XRCC5: variants seen among roughly 807,000 people sequenced by gnomAD.
XRCC5 encodes X-ray repair cross complementing 5.
XRCC5 carries 12 observed loss-of-function variants against 95.7 expected under a neutral mutation model. The observed-to-expected ratio is 0.13, with a 90% CI of 0.08 to 0.20. The LOEUF (loss-of-function observed/expected upper bound fraction) is 0.20. Ranked by LOEUF, XRCC5 falls within the 10% of genes least tolerant of loss-of-function variation. The pLI is 1.00. For missense variants in XRCC5, 595 were observed against 873.9 expected (o/e 0.68, Z 4.02); for synonymous variants, 281 against 290.3 (o/e 0.97, Z 0.33).
At position 216,139,406 on chromosome 2, in the gene XRCC5, A is replaced by G. The variant is rs1281192453; in HGVS notation, c.1342+1227A>G. On this transcript the variant is annotated intron_variant, in intron 12 of 20. Transcript: ENST00000392132. ...CAGCAAGAGAAAATGAGGAAGAAGC[A>G]AAAGTAGAAACCCCTGATAAACCCA... Among the ~76,000 whole-genome samples the G allele has an allele frequency of 2.0e-5, 3 of 152,182 alleles. No homozygotes were observed. In the East Asian group the frequency reaches 5.8e-4, roughly 29 times the overall value.
Position 216,116,743 on chromosome 2 carries a change from T to C in XRCC5, c.220T>C (p.Tyr74His). 3 of 1,614,260 alleles carry C rather than the reference T, an allele frequency of 1.9e-6. No individual in the cohort carries two copies. The highest frequency in any genetic ancestry group is 2.5e-6 in the Non-Finnish European group (3 of 1,180,044). Reference sequence around the variant, plus strand: ...CAATCCCCTTTCTGGTGGGGATCAGTATCAGAACATCACAGTGCACAGACA... The same window carrying C: ...CAATCCCCTTTCTGGTGGGGATCAGCATCAGAACATCACAGTGCACAGACA... Reference protein sequence around the residue: ...TDNPLSGGDQYQNITVHRHLM... With the variant: ...TDNPLSGGDQHQNITVHRHLM... The change falls in exon 3 of 21, where the codon TAT (tyrosine) becomes CAT (histidine). Residue 74 changes from tyrosine (Y) to histidine (H), a missense_variant. Around this residue, in one of 2 missense-constraint regions of XRCC5, gnomAD observed 286 missense variants for 491.1 expected, o/e 0.58. Coordinates refer to ENST00000392132, the MANE Select transcript of XRCC5 (RefSeq NM_021141.4).
chr2:216,137,099 T>TG lies in XRCC5; in HGVS notation c.1126dup (p.Ala376GlyfsTer11). 6.2e-7 allele frequency: 1 copy of TG among 1,613,330 alleles called. No individual in the cohort carries two copies. Among genetic ancestry groups the TG allele is most frequent in the Non-Finnish European group, 8.5e-7 (1 of 1,179,642 alleles). ...ATCTTTCTTACCAGGCAGCTGCAGT[T>TG]GCACTTTCCTCCCTGATTCATGCTT... is the stretch of plus-strand genomic sequence containing the variant. On this transcript the variant is annotated frameshift_variant, in exon 11 of 21. Transcript: ENST00000392132. LOFTEE classifies it high-confidence loss of function.
chr2:216,197,283 T>G (rs116361154), intron 19 of XRCC5, among the ~76,000 whole-genome samples: 1 of 152,150 alleles, frequency 6.6e-6, no homozygotes, highest in African/African-American at 2.4e-5. Context: ...AGGTATAAGA[T>G]GGTGTCCTTA....
At chr2:216,196,822 G>A (rs1689730726) in intron 19 of XRCC5, among the ~76,000 whole-genome samples, 1 of 152,186 alleles carries the variant, frequency 6.6e-6, no homozygotes, top group South Asian at 2.1e-4. Flanking sequence ...AACATCTAGA[G>A]TAGTGTTTGA....
At chr2:216,130,739 A>G (rs1696982391) in intron 8 of XRCC5, 136 bp from the exon 9 acceptor site, 1 of 571,922 alleles carries the variant, frequency 1.7e-6, no homozygotes. Flanking sequence ...AGGGGCAGTC[A>G]TCTGATTCCA....
At position 216,131,315 on chromosome 2, in the gene XRCC5, G is replaced by C. The variant is rs1024564414; in HGVS notation, c.1050+328G>C. 4.2e-6 allele frequency: 4 copies of C among 959,812 alleles called. No homozygotes were observed. The African/African-American group carries it at 7.1e-5, about 17-fold the overall frequency. 59.5% of individuals were successfully genotyped at this position (959,812 alleles called of 1,614,324 possible). On this transcript the variant is annotated intron_variant, in intron 9 of 20. Transcript: ENST00000392132. ...TCAGTCTTCTTGAGCTGGTATTATG[G>C]TGAAAGTGCTCATAATGTCTCAACT...
Position 216,116,742 on chromosome 2 carries a change from G to C in XRCC5, c.219G>C (p.Gln73His). The C allele has an allele frequency of 6.2e-7, 1 of 1,614,210 alleles. No homozygotes were observed. The highest frequency in any genetic ancestry group is 8.5e-7 in the Non-Finnish European group (1 of 1,180,030). ...ACAATCCCCTTTCTGGTGGGGATCA[G>C]TATCAGAACATCACAGTGCACAGAC... ...GTDNPLSGGD[Q>H]YQNITVHRHL... The change falls in exon 3 of 21, where the codon CAG becomes CAC. Residue 73 changes from glutamine to histidine, a missense_variant. Transcript: ENST00000392132.
intron 6 of XRCC5, 72 bp downstream of exon 6, chr2:216,122,325 C>T: frequency 7.1e-7 from 1 of 1,400,576 alleles, no homozygotes; most frequent in South Asian, 1.4e-5. Flanking sequence ...TAGAGGTCTC[C>T]CAAATGTTTC....
intron 2 of XRCC5, among the ~76,000 whole-genome samples, chr2:216,115,941 A>G (rs1179237184): frequency 1.3e-5 from 2 of 151,782 alleles, no homozygotes; most frequent in East Asian, 1.9e-4. Flanking sequence ...GTATATATTC[A>G]TAAATACTTA....
chr2:216,120,120 A>G (rs1037800323), intron 5 of XRCC5, among the ~76,000 whole-genome samples: 14 of 152,332 alleles, frequency 9.2e-5, no homozygotes, highest in Non-Finnish European at 1.9e-4. Flanking sequence ...CGACTGTGGA[A>G]AAAGAGTTCA....
intron 16 of XRCC5, among the ~76,000 whole-genome samples, chr2:216,162,299 T>A (rs1688967709): frequency 6.6e-6 from 1 of 152,238 alleles, no homozygotes; most frequent in Non-Finnish European, 1.5e-5. Context: ...GGCCAACACC[T>A]TGGCGCTTAT....
At chr2:216,153,781 T>C (rs1688793216) in intron 14 of XRCC5, among the ~76,000 whole-genome samples, 1 of 152,212 alleles carries the variant, frequency 6.6e-6, no homozygotes, top group African/African-American at 2.4e-5. Flanking sequence ...GCCTTAGCAA[T>C]GCATGTCCCA....
At chr2:216,111,181 C>T (rs1018036524) in intron 1 of XRCC5, among the ~76,000 whole-genome samples, 4 of 152,104 alleles carry the variant, frequency 2.6e-5, no homozygotes, top group East Asian at 3.8e-4. Context: ...CTGTTGATCC[C>T]GTTGTCTTTC....
At chr2:216,114,834 A>G (rs879874159) in intron 2 of XRCC5, among the ~76,000 whole-genome samples, 7 of 152,220 alleles carry the variant, frequency 4.6e-5, no homozygotes, top group African/African-American at 1.2e-4. Flanking sequence ...CGCTCGACCA[A>G]TAATGCCGAG....
At chr2:216,114,474 T>G (rs902793407) in intron 2 of XRCC5, among the ~76,000 whole-genome samples, 19 of 152,014 alleles carry the variant, frequency 1.2e-4, no homozygotes, top group African/African-American at 3.6e-4. Context: ...TCCCCTGGTA[T>G]GCTGTTAGAG....
chr2:216,172,391 TTG>T lies in XRCC5; in HGVS notation c.1834+10345_1834+10346del, dbSNP rs1300487708. Among the ~76,000 whole-genome samples the T allele has an allele frequency of 2.0e-5, 3 of 152,056 alleles. No homozygotes were observed. In the East Asian group the frequency reaches 5.8e-4, roughly 29 times the overall value. On this transcript the variant is annotated intron_variant, in intron 16 of 20. Transcript: ENST00000392132. ...TAGAATACTCGGATACACTCCAACT[TTG>T]TTCTTTTCTAAAAATGTTTTAACTA...
chr2:216,173,946 A>G (rs995684058), intron 16 of XRCC5, among the ~76,000 whole-genome samples: 2 of 152,190 alleles, frequency 1.3e-5, no homozygotes, highest in Admixed American at 6.5e-5. Flanking sequence ...TAGCAGCACA[A>G]AATACACTAA....
intron 18 of XRCC5, among the ~76,000 whole-genome samples, chr2:216,193,237 A>G (rs1689652278): frequency 6.6e-6 from 1 of 152,198 alleles, no homozygotes; most frequent in Non-Finnish European, 1.5e-5. Flanking sequence ...CAACCAATGC[A>G]AGTTAAACCC....
intron 2 of XRCC5, among the ~76,000 whole-genome samples, chr2:216,113,592 T>C (rs1696633228): frequency 6.6e-6 from 1 of 152,210 alleles, no homozygotes; most frequent in Non-Finnish European, 1.5e-5. Flanking sequence ...ATGACTGGGT[T>C]GCTCAGTTGG....
Sources: allele counts gnomAD v4.1 joint callset (sites outside exome capture counted in the v4.1 genomes callset), GRCh38; gene constraint gnomAD v4.1.1; regional missense constraint gnomAD v4.1.1; transcripts MANE v1.5; gene names NCBI Gene and HGNC (gene_info 2026-07-23, HGNC 2026-07-21).